The following CTNNA3 variants were observed in gnomAD, a reference collection of about 807,000 sequenced individuals.
The protein encoded by CTNNA3 is catenin alpha-3.
Under a neutral mutation model 95.7 loss-of-function variants are expected in CTNNA3, and 76 were observed. The observed-to-expected ratio is 0.79, with a 90% CI of 0.66 to 0.96. CTNNA3 has a LOEUF of 0.96. Among genes scored for constraint, CTNNA3 ranks in the 40% least tolerant of loss-of-function variants. The pLI, the probability that CTNNA3 is intolerant of heterozygous loss-of-function variation, is 0.00. For missense variants in CTNNA3, 1,191 were observed against 1,089.8 expected (o/e 1.09, Z -1.31); for synonymous variants, 431 against 374.4 (o/e 1.15, Z -1.74).
intron 5 of CTNNA3, among the ~76,000 whole-genome samples, chr10:67,262,244 T>C (rs1866647270): frequency 1.3e-5 from 2 of 152,138 alleles, no homozygotes; most frequent in African/African-American, 4.8e-5. Context: ...CCACAATAAA[T>C]AATAAGATAC....
At chr10:66,632,178 T>C (rs1185802789) in intron 9 of CTNNA3, among the ~76,000 whole-genome samples, 2 of 152,112 alleles carry the variant, frequency 1.3e-5, no homozygotes, top group African/African-American at 4.8e-5. Flanking sequence ...GTCTATTAAA[T>C]TTATAGAGCT....
intron 7 of CTNNA3, among the ~76,000 whole-genome samples, chr10:67,045,917 TG>T (rs1272966957): frequency 6.6e-6 from 1 of 152,136 alleles, no homozygotes; most frequent in Non-Finnish European, 1.5e-5. Flanking sequence ...GGAAGAAAAA[TG>T]CACAAGAACT....
At chr10:66,600,987 ATT>A (rs201428281) in intron 10 of CTNNA3, among the ~76,000 whole-genome samples, 1 of 150,814 alleles carries the variant, frequency 6.6e-6, no homozygotes, top group African/African-American at 2.4e-5. Context: ...ATCCTAAAGC[ATT>A]TTTTTTTGTT....
intron 7 of CTNNA3, among the ~76,000 whole-genome samples, chr10:66,785,265 G>A (rs1193745997): frequency 6.6e-6 from 1 of 152,154 alleles, no homozygotes; most frequent in East Asian, 1.9e-4. Flanking sequence ...AATCACCTGT[G>A]ACATCAACTT....
In CTNNA3 at chr10:66,161,680, C is replaced by T. The variant is rs561837761; in HGVS notation, c.1885-58431G>A. 1.6e-4 allele frequency among the ~76,000 whole-genome samples: 24 copies of T among 152,260 alleles called. 1 individual carries two copies. In the South Asian group the frequency reaches 4.4e-3, roughly 28 times the overall value. The stretch of plus-strand genomic sequence containing the variant: ...ATAGCCTGATGACAATGTGCCTAGG[C>T]AATGATCTTTTTACGATGAATTTCT... On this transcript the variant is annotated intron_variant, in intron 13 of 17. Coordinates refer to ENST00000433211, the MANE Select transcript of CTNNA3 (RefSeq NM_013266.4).
chr10:67,215,692 C>T (rs1015565783), intron 6 of CTNNA3, among the ~76,000 whole-genome samples: 2 of 152,114 alleles, frequency 1.3e-5, no homozygotes, highest in Non-Finnish European at 2.9e-5. Context: ...AAAGTTCTCC[C>T]AACATCTCCT....
At chr10:67,726,179 ATATT>A (rs1841212888) in intron 1 of CTNNA3, among the ~76,000 whole-genome samples, 2 of 97,498 alleles carry the variant, frequency 2.1e-5, no homozygotes, top group South Asian at 7.1e-4. Context: ...ATAATAATAT[ATATT>A]ATTATAATAT....
chr10:67,262,200 T>G (rs1866645156), intron 5 of CTNNA3, among the ~76,000 whole-genome samples: 1 of 152,162 alleles, frequency 6.6e-6, no homozygotes, highest in African/African-American at 2.4e-5. Flanking sequence ...TATAATAGGA[T>G]GAATACTATA....
intron 13 of CTNNA3, among the ~76,000 whole-genome samples, chr10:66,230,415 G>A (rs974108037): frequency 6.6e-6 from 1 of 152,080 alleles, no homozygotes; most frequent in Non-Finnish European, 1.5e-5. Context: ...TAAGGTTCTA[G>A]GTGGGCACTG....
At position 66,967,026 on chromosome 10, in the gene CTNNA3, G is replaced by C. The variant is rs1253709132; in HGVS notation, c.1048-191502C>G. On this transcript the variant is annotated intron_variant, in intron 7 of 17. Coordinates refer to ENST00000433211, the MANE Select transcript of CTNNA3 (RefSeq NM_013266.4). Reference sequence around the variant, plus strand: ...AATTTTCTTAAAATATAAGTTCATAGCGCAAAAAGAAATATTAAGTATAAC... The same window carrying C: ...AATTTTCTTAAAATATAAGTTCATACCGCAAAAAGAAATATTAAGTATAAC... 5.5e-4 allele frequency among the ~76,000 whole-genome samples: 83 copies of C among 151,902 alleles called. 1 individual carries two copies. Among genetic ancestry groups the C allele is most frequent in the Admixed American group, 5.4e-3 (83 of 15,250 alleles).
chr10:67,519,775 A>G (rs1839927430), intron 5 of CTNNA3, among the ~76,000 whole-genome samples: 2 of 152,206 alleles, frequency 1.3e-5, no homozygotes, highest in Admixed American at 1.3e-4. Flanking sequence ...ATACCACCTT[A>G]TAAAGAGGAA....
At chr10:67,663,334 TTG>T (rs369412809) in intron 1 of CTNNA3, among the ~76,000 whole-genome samples, 33 of 151,152 alleles carry the variant, frequency 2.2e-4, no homozygotes, top group East Asian at 5.8e-4. Flanking sequence ...TTATTTTTCT[TTG>T]TGTGTGTGTG....
intron 10 of CTNNA3, among the ~76,000 whole-genome samples, chr10:66,548,467 C>A (rs1032785095): frequency 6.6e-6 from 1 of 151,974 alleles, no homozygotes; most frequent in African/African-American, 2.4e-5. Flanking sequence ...ATCTCTAGGA[C>A]AATAGAAAAG....
intron 5 of CTNNA3, among the ~76,000 whole-genome samples, chr10:67,360,887 C>G (rs900090415): frequency 1.3e-5 from 2 of 151,850 alleles, no homozygotes; most frequent in African/African-American, 4.8e-5. Flanking sequence ...GATTACAATT[C>G]GACATGAGAT....
chr10:66,690,089 C>A, intron 9 of CTNNA3, among the ~76,000 whole-genome samples: 1 of 151,966 alleles, frequency 6.6e-6, no homozygotes, highest in East Asian at 1.9e-4. Context: ...ACACAGGAGT[C>A]TTAAAGCTTA....
intron 7 of CTNNA3, among the ~76,000 whole-genome samples, chr10:67,102,937 T>C (rs1429664073): frequency 6.6e-6 from 1 of 151,774 alleles, no homozygotes; most frequent in African/African-American, 2.4e-5. Flanking sequence ...ATGTGGAAAA[T>C]AGTAGTAAGA....
intron 14 of CTNNA3, among the ~76,000 whole-genome samples, chr10:66,101,843 C>A (rs1450181534): frequency 3.3e-5 from 5 of 152,126 alleles, no homozygotes; most frequent in Non-Finnish European, 4.4e-5. Flanking sequence ...TCTTATATTA[C>A]ATTCTTAGGG....
chr10:67,092,752 A>G (rs554298598), intron 7 of CTNNA3, among the ~76,000 whole-genome samples: 1 of 152,132 alleles, frequency 6.6e-6, no homozygotes, highest in East Asian at 1.9e-4. Flanking sequence ...TTTATGTGAA[A>G]GGTACATAGC....
chr10:66,227,200 C>T (rs2100878), intron 13 of CTNNA3, among the ~76,000 whole-genome samples: 17,725 of 152,038 alleles, frequency 0.12, 1,110 homozygotes, highest in African/African-American at 0.15. Context: ...ATTATTCTGG[C>T]TAGGACTTCC....
Sources: gnomAD v4.1 joint callset for allele counts (sites outside exome capture counted in the v4.1 genomes callset) on GRCh38, gnomAD v4.1.1 for gene constraint, MANE v1.5 for transcripts, NCBI Gene and HGNC (gene_info 2026-07-23, HGNC 2026-07-21) for gene names.